Variants in FNTB observed in about 807,000 individuals in gnomAD.
FNTB encodes the protein farnesyltransferase, CAAX box, subunit beta, also known as protein farnesyltransferase subunit beta.
Under a neutral mutation model 59.4 loss-of-function variants are expected in FNTB, and 27 were observed. That is an observed-to-expected ratio of 0.45 (90% CI 0.34 to 0.63). The LOEUF (loss-of-function observed/expected upper bound fraction) is 0.63, where lower values mean the gene tolerates loss of function less well. Ranked by LOEUF, FNTB falls within the 20% of genes least tolerant of loss-of-function variation. The pLI, the probability that FNTB is intolerant of heterozygous loss-of-function variation, is 0.02. For synonymous variants in FNTB, 230 were observed against 220.7 expected, an observed-to-expected ratio of 1.04 and a Z score of -0.37; for missense variants, 449 against 559.6, an observed-to-expected ratio of 0.80 and a Z score of 1.99.
At chr14:64,989,896 CTT>C (rs1338294217) in intron 1 of FNTB, among the ~76,000 whole-genome samples, 4 of 151,950 alleles carry the variant, frequency 2.6e-5, no homozygotes, top group Non-Finnish European at 4.4e-5. Flanking sequence ...AGAGTAACAC[CTT>C]GGGATAGAGG....
Position 65,054,835 on chromosome 14 carries a change from TAGTG to T in FNTB, c.1182+149_1182+152del. On this transcript the variant is annotated intron_variant, in intron 11 of 11. Coordinates refer to ENST00000246166, the MANE Select transcript of FNTB (RefSeq NM_002028.4). This position sits in a 1 kb window ranked among gnomAD's most constrained non-coding sequence, Gnocchi z 4.4. ...TCTGCCCTTCGAGCTGTGCAGCCGTTAGTGAGGATGTGACCACAGAGGAGACGCA... is the reference window on the plus strand; with the variant it reads ...TCTGCCCTTCGAGCTGTGCAGCCGTTAGGATGTGACCACAGAGGAGACGCA... The T allele has an allele frequency of 2.2e-6, 2 of 897,804 alleles. No individual in the cohort carries two copies. Among genetic ancestry groups the T allele is most frequent in the East Asian group, 2.7e-5 (1 of 37,392 alleles). 55.6% of individuals were successfully genotyped at this position (897,804 alleles called of 1,614,324 possible). A position where few individuals can be genotyped will look rare whatever the true frequency, so the allele number is the denominator to read the frequency against.
intron 4 of FNTB, among the ~76,000 whole-genome samples, chr14:65,019,306 G>T (rs939892586): frequency 2.6e-5 from 4 of 152,134 alleles, no homozygotes; most frequent in African/African-American, 9.7e-5. Flanking sequence ...GGCCAACATG[G>T]TGAAACCCTG....
At chr14:65,053,375 A>G (rs1319468863) in intron 10 of FNTB, 26 bp downstream of exon 10, 2 of 1,399,760 alleles carry the variant, frequency 1.4e-6, no homozygotes, top group South Asian at 1.8e-5. Flanking sequence ...CTGGGGAGGG[A>G]AGGGAGAGGG....
At chr14:64,988,817 A>G (rs1261322074) in intron 1 of FNTB, among the ~76,000 whole-genome samples, 2 of 152,156 alleles carry the variant, frequency 1.3e-5, no homozygotes, top group Non-Finnish European at 2.9e-5. Flanking sequence ...TCCAGCACAC[A>G]TTATTAGAGT....
chr14:65,058,345 T>C (rs972815805), intron 11 of FNTB, among the ~76,000 whole-genome samples: 6 of 152,140 alleles, frequency 3.9e-5, no homozygotes, highest in Non-Finnish European at 2.9e-5. Context: ...GTTTTGTAAC[T>C]GTTTGTTACT....
At chr14:64,995,277 A>G (rs72728226) in intron 1 of FNTB, among the ~76,000 whole-genome samples, 13,488 of 152,224 alleles carry the variant, frequency 0.089, 730 homozygotes, top group Admixed American at 0.15. Context: ...ACCTGCCTCA[A>G]GCTGTTTTAT....
intron 11 of FNTB, among the ~76,000 whole-genome samples, chr14:65,055,524 T>G (rs2062714966): frequency 6.6e-6 from 1 of 151,576 alleles, no homozygotes; most frequent in Non-Finnish European, 1.5e-5. Flanking sequence ...TAATTTTTAA[T>G]TTTTTTTTGT....
rs375041283 is a variant in FNTB, at chr14:65,053,196, C to A, written c.956-42C>A. 8.3e-6 allele frequency: 11 copies of A among 1,318,732 alleles called. No homozygotes were observed. The African/African-American group carries it at 1.5e-4, about 18-fold the overall frequency. The allele number at this position is 1,318,732 out of a possible 1,614,324, so 81.7% of individuals were successfully genotyped here. A position where few individuals can be genotyped will look rare whatever the true frequency, so the allele number is the denominator to read the frequency against. ...GTGGAATTAGGTCATTGATACTTGG[C>A]TGGATCTGCCGGGCCCTTACTGACC... On this transcript the variant is annotated intron_variant, in intron 9 of 11. Transcript: ENST00000246166.
chr14:65,004,391 G>A (rs2061550279), intron 2 of FNTB, 78 bp downstream of exon 2: 6 of 1,463,430 alleles, frequency 4.1e-6, no homozygotes, highest in East Asian at 2.3e-5. Flanking sequence ...CTCCTTGAGC[G>A]AATCTAACCA....
In FNTB at chr14:65,032,318, T is replaced by G. The variant is rs569710792; in HGVS notation, c.606-292T>G. ...CTTTGAAAGAAGAGCTGAATCCACT[T>G]TTGACATGAATTGATATGGCTGTTA... On this transcript the variant is annotated intron_variant, in intron 6 of 11. Transcript: ENST00000246166. This position sits in a 1 kb window ranked among gnomAD's most constrained non-coding sequence, Gnocchi z 5.0. 1.9e-4 allele frequency: 52 copies of G among 270,304 alleles called. No individual in the cohort carries two copies. The highest frequency in any genetic ancestry group is 1.1e-3 in the African/African-American group (48 of 45,110). The allele number at this position is 270,304 out of a possible 1,614,324, so 16.7% of individuals were successfully genotyped here.
chr14:64,998,562 A>G (rs1472937637), intron 1 of FNTB, among the ~76,000 whole-genome samples: 1 of 152,176 alleles, frequency 6.6e-6, no homozygotes, highest in Non-Finnish European at 1.5e-5. Flanking sequence ...TGGTTTTTGC[A>G]GAGTCATTTG....
chr14:65,048,710 C>G (rs539140906), intron 9 of FNTB, among the ~76,000 whole-genome samples: 29 of 152,170 alleles, frequency 1.9e-4, no homozygotes, highest in Admixed American at 3.3e-4. Flanking sequence ...AAACAGTTAA[C>G]CAGACATGGT....
At chr14:64,992,103 C>T (rs1296397995) in intron 1 of FNTB, among the ~76,000 whole-genome samples, 1 of 152,134 alleles carries the variant, frequency 6.6e-6, no homozygotes, top group South Asian at 2.1e-4. Flanking sequence ...ACTTTTTATG[C>T]CTCTGATAGA....
intron 7 of FNTB, among the ~76,000 whole-genome samples, chr14:65,038,248 A>C (rs560570344): frequency 1.3e-5 from 2 of 151,280 alleles, no homozygotes; most frequent in East Asian, 4.0e-4. Flanking sequence ...GCCTCTACAA[A>C]ATATACAAAA....
At chr14:65,042,780 G>A (rs1356264714) in intron 8 of FNTB, among the ~76,000 whole-genome samples, 3 of 152,184 alleles carry the variant, frequency 2.0e-5, no homozygotes, top group South Asian at 4.1e-4. Context: ...TAAGCCCTGC[G>A]GTAAGTAGAA....
intron 11 of FNTB, among the ~76,000 whole-genome samples, chr14:65,055,528 T>A (rs2062715402): frequency 6.6e-6 from 1 of 152,086 alleles, no homozygotes; most frequent in Admixed American, 6.5e-5. Flanking sequence ...TTTTAATTTT[T>A]TTTTGTGAGA....
At position 65,028,140 on chromosome 14, in the gene FNTB, G is replaced by C. The variant is rs1237059346; in HGVS notation, c.605+359G>C. Among the ~76,000 whole-genome samples, 1 of 152,082 alleles carries C rather than the reference G, an allele frequency of 6.6e-6. No homozygotes were observed. The highest frequency in any genetic ancestry group is 1.5e-5 in the Non-Finnish European group (1 of 68,018). ...GGAAGGGAGGGGAAAGTCCAGCAGG[G>C]CCTCAGTAAATACCTTCTGAGTGAA... On this transcript the variant is annotated intron_variant, in intron 6 of 11. Transcript: ENST00000246166. This position sits in a 1 kb window ranked among gnomAD's most constrained non-coding sequence, Gnocchi z 4.4.
rs2062102264 is a variant in FNTB, at chr14:65,032,283, C to T, written c.606-327C>T. 4.7e-6 allele frequency: 1 copy of T among 211,730 alleles called. No homozygotes were observed. Among genetic ancestry groups the T allele is most frequent in the South Asian group, 1.2e-4 (1 of 8,584 alleles). 13.1% of individuals were successfully genotyped at this position (211,730 alleles called of 1,614,324 possible). The stretch of plus-strand genomic sequence containing the variant: ...AATGATACCATAGATTTATGGCAAC[C>T]ATTATAGGTCTTTGAAAGAAGAGCT... On this transcript the variant is annotated intron_variant, in intron 6 of 11. Coordinates refer to ENST00000246166, the MANE Select transcript of FNTB (RefSeq NM_002028.4). The surrounding 1 kb of genome is among the most constrained non-coding windows in gnomAD (Gnocchi z 5.0).
At chr14:65,013,450 A>G (rs2061716470) in intron 3 of FNTB, among the ~76,000 whole-genome samples, 1 of 152,138 alleles carries the variant, frequency 6.6e-6, no homozygotes, top group Non-Finnish European at 1.5e-5. Context: ...CCTGTGGGCT[A>G]TGAATTTTCA....
Sources: gnomAD v4.1 joint callset for allele counts (sites outside exome capture counted in the v4.1 genomes callset) on GRCh38, gnomAD v4.1.1 for gene constraint, Gnocchi (gnomAD v3.1) non-coding constraint, MANE v1.5 for transcripts, NCBI Gene and HGNC (gene_info 2026-07-23, HGNC 2026-07-21) for gene names.